The following PCDHGC5 variants were observed in gnomAD, a reference collection of about 807,000 sequenced individuals.
PCDHGC5 encodes the protein protocadherin gamma subfamily C, 5, also known as protocadherin gamma-C5.
In PCDHGC5, 25 loss-of-function variants were observed where a neutral mutation model predicts 59.0. The observed-to-expected ratio is 0.42, with a 90% CI of 0.31 to 0.59. PCDHGC5 has a LOEUF of 0.59. PCDHGC5 is among the 20% of genes least tolerant of loss of function. PCDHGC5 has a pLI of 0.13. For missense variants in PCDHGC5, 1,067 were observed against 1,206.4 expected (o/e 0.88, Z 1.71); for synonymous variants, 434 against 505.5 (o/e 0.86, Z 1.90).
rs1177173734 is a variant in PCDHGC5, at chr5:141,491,741, G to T, written c.2460+41G>T. 1.3e-6 allele frequency: 2 copies of T among 1,595,762 alleles called. No individual in the cohort carries two copies. On this transcript the variant is annotated intron_variant, in intron 1 of 3. Transcript: ENST00000252087. This position sits in a 1 kb window ranked among gnomAD's most constrained non-coding sequence, Gnocchi z 6.9. ...CCGCCCCGGGCGACCCCTGGGGGCG[G>T]CACTGGAGAAGCCGCCCGTCCTCAT... is the stretch of plus-strand genomic sequence containing the variant.
chr5:141,496,077 C>G (rs1269618753), intron 2 of PCDHGC5, among the ~76,000 whole-genome samples: 1 of 152,042 alleles, frequency 6.6e-6, no homozygotes, highest in African/African-American at 2.4e-5. Flanking sequence ...CACACACAAC[C>G]CCCCACCCAC....
intron 1 of PCDHGC5, among the ~76,000 whole-genome samples, chr5:141,492,781 T>A (rs945023154): frequency 6.6e-6 from 1 of 152,194 alleles, no homozygotes; most frequent in African/African-American, 2.4e-5. Context: ...TGAGTGAGCC[T>A]CTATAGGACA....
intron 3 of PCDHGC5, chr5:141,506,955 C>T (rs1387377785): frequency 2.6e-5 from 4 of 152,362 alleles, no homozygotes; most frequent in South Asian, 2.1e-4. Context: ...AATGAATCCT[C>T]TCAATAGCTC....
intron 2 of PCDHGC5, among the ~76,000 whole-genome samples, chr5:141,502,828 G>T (rs928458403): frequency 6.6e-6 from 1 of 150,704 alleles, no homozygotes; most frequent in Non-Finnish European, 1.5e-5. Context: ...CCTTGGGGAA[G>T]CCTGGACTGG....
chr5:141,502,084 G>A (rs1438350526), intron 2 of PCDHGC5, among the ~76,000 whole-genome samples: 1 of 152,154 alleles, frequency 6.6e-6, no homozygotes, highest in African/African-American at 2.4e-5. Context: ...CTGGGGCTGA[G>A]AACACCTGGC....
Position 141,490,491 on chromosome 5 carries a change from A to T in PCDHGC5, c.1251A>T (p.Thr417=). 1 of 1,614,098 alleles carries T rather than the reference A, an allele frequency of 6.2e-7. No individual in the cohort carries two copies. Among genetic ancestry groups the T allele is most frequent in the Non-Finnish European group, 8.5e-7 (1 of 1,180,022 alleles). ...LTSQPLDREA[T]SHYIIELLAS... ...GCCAGCCTTTGGACCGGGAGGCCAC[A>T]TCCCACTATATCATCGAGCTGCTGG... Residue 417 remains threonine, a synonymous_variant, in exon 1 of 4, where the codon ACA becomes ACT. Coordinates refer to ENST00000252087, the MANE Select transcript of PCDHGC5 (RefSeq NM_018929.3). This position sits in a 1 kb window ranked among gnomAD's most constrained non-coding sequence, Gnocchi z 5.4.
chr5:141,505,053 T>C (rs904041070), intron 2 of PCDHGC5, among the ~76,000 whole-genome samples: 2 of 152,108 alleles, frequency 1.3e-5, no homozygotes, highest in African/African-American at 4.8e-5. Context: ...TCCCAGCTAC[T>C]TGGGAGACTG....
intron 2 of PCDHGC5, among the ~76,000 whole-genome samples, chr5:141,498,411 C>T (rs747823234): frequency 2.0e-5 from 3 of 152,158 alleles, no homozygotes; most frequent in Non-Finnish European, 4.4e-5. Context: ...TTTCTCTTTG[C>T]TGGCACTGGA....
Position 141,490,866 on chromosome 5 carries a change from C to T in PCDHGC5, c.1626C>T (p.Pro542=), listed in dbSNP as rs1408465290. The T allele has an allele frequency of 6.2e-7, 1 of 1,613,906 alleles. No homozygotes were observed. The highest frequency in any genetic ancestry group is 1.7e-5 in the Admixed American group (1 of 60,012). ...TGGGGGTTCGAGACTCCGGCTCTCC[C>T]CCATTGCATGCCAACACATCTCTGC... ...IVVGVRDSGS[P]PLHANTSLHV... The change falls in exon 1 of 4, where the codon CCC becomes CCT. Residue 542 remains proline, a synonymous_variant. Coordinates refer to ENST00000252087, the MANE Select transcript of PCDHGC5 (RefSeq NM_018929.3). The surrounding 1 kb of genome is among the most constrained non-coding windows in gnomAD (Gnocchi z 5.4).
chr5:141,509,873 G>C (rs2099878704), intron 3 of PCDHGC5, among the ~76,000 whole-genome samples: 1 of 152,196 alleles, frequency 6.6e-6, no homozygotes, highest in South Asian at 2.1e-4. Flanking sequence ...CAAGCTGCTG[G>C]TGGTGATGGT....
rs760575047 is a variant in PCDHGC5 at position 141,493,887 on chromosome 5, G to A, written c.2461-920G>A. Among the ~76,000 whole-genome samples the A allele has an allele frequency of 1.3e-5, 2 of 152,184 alleles. No individual in the cohort carries two copies. The highest frequency in any genetic ancestry group is 2.4e-5 in the African/African-American group (1 of 41,448). On this transcript the variant is annotated intron_variant, in intron 1 of 3. Coordinates refer to ENST00000252087, the MANE Select transcript of PCDHGC5 (RefSeq NM_018929.3). The surrounding 1 kb of genome is among the most constrained non-coding windows in gnomAD (Gnocchi z 4.3). Reference sequence around the variant, plus strand: ...AGAACCAGTGAGGAGGTGGCTCTAGGAGTGCTCCATGAGAGTGTGTGATGG... The same window carrying A: ...AGAACCAGTGAGGAGGTGGCTCTAGAAGTGCTCCATGAGAGTGTGTGATGG...
intron 3 of PCDHGC5, among the ~76,000 whole-genome samples, chr5:141,509,815 TCTC>T (rs1596250992): frequency 6.6e-6 from 1 of 152,226 alleles, no homozygotes; most frequent in East Asian, 1.9e-4. Flanking sequence ...GCCGAGCTCT[TCTC>T]CATCTTCTCT....
chr5:141,511,632 G>A lies in PCDHGC5; in HGVS notation c.*459G>A, dbSNP rs1388627906. The A allele has an allele frequency of 8.6e-6, 2 of 231,934 alleles. No homozygotes were observed. The highest frequency in any genetic ancestry group is 5.1e-5 in the Admixed American group (1 of 19,634). 14.4% of individuals were successfully genotyped at this position (231,934 alleles called of 1,614,324 possible). A position where few individuals can be genotyped will look rare whatever the true frequency, so the allele number is the denominator to read the frequency against. On this transcript the variant is annotated 3_prime_UTR_variant, in exon 4 of 4. Transcript: ENST00000252087. ...CCTCCTAGTTCTGAAAAGTTGGAAG[G>A]GCATCATGACCTCTTGGCCTCTCCT...
In PCDHGC5 at chr5:141,503,993, C is replaced by T. The variant is rs376134059; in HGVS notation, c.2520-1400C>T. Reference sequence around the variant, plus strand: ...GTGCCAAACCCTTCTTCTTACCTTACAGTCACTTAACTGTCTCTGCTGGTC... The same window carrying T: ...GTGCCAAACCCTTCTTCTTACCTTATAGTCACTTAACTGTCTCTGCTGGTC... On this transcript the variant is annotated intron_variant, in intron 2 of 3. Transcript: ENST00000252087. Among the ~76,000 whole-genome samples, 13 of 152,312 alleles carry T rather than the reference C, an allele frequency of 8.5e-5. 1 individual carries two copies. In the East Asian group the frequency reaches 1.7e-3, roughly 20 times the overall value.
intron 2 of PCDHGC5, among the ~76,000 whole-genome samples, chr5:141,505,092 G>A (rs965653546): frequency 5.9e-5 from 9 of 152,170 alleles, no homozygotes; most frequent in African/African-American, 2.2e-4. Flanking sequence ...AACCCAGGAG[G>A]TGGATGTTGC....
At chr5:141,504,113 C>A (rs568207803) in intron 2 of PCDHGC5, among the ~76,000 whole-genome samples, 1 of 152,220 alleles carries the variant, frequency 6.6e-6, no homozygotes, top group Non-Finnish European at 1.5e-5. Flanking sequence ...TGTGTGTGTG[C>A]CAGGGCTGTT....
chr5:141,494,306 T>G (rs1432951954), intron 1 of PCDHGC5, among the ~76,000 whole-genome samples: 1 of 152,212 alleles, frequency 6.6e-6, no homozygotes, highest in Non-Finnish European at 1.5e-5. Flanking sequence ...AATGTGTCAC[T>G]GCACAACCTG....
intron 3 of PCDHGC5, among the ~76,000 whole-genome samples, chr5:141,508,937 G>T (rs764041162): frequency 3.0e-4 from 45 of 152,040 alleles, no homozygotes; most frequent in Non-Finnish European, 6.3e-4. Flanking sequence ...AGTTAATTAG[G>T]GAAAACAGAG....
At position 141,492,010 on chromosome 5, in the gene PCDHGC5, G is replaced by A. The variant is rs2099736138; in HGVS notation, c.2460+310G>A. 2 of 617,370 alleles carry A rather than the reference G, an allele frequency of 3.2e-6. 1 individual carries two copies. Among genetic ancestry groups the A allele is most frequent in the Middle Eastern group, 8.7e-4 (2 of 2,312 alleles). The allele number at this position is 617,370 out of a possible 1,614,324, so 38.2% of individuals were successfully genotyped here. On this transcript the variant is annotated intron_variant, in intron 1 of 3. Transcript: ENST00000252087. Reference sequence around the variant, plus strand: ...GGTGAATTTCGGGCGATTTCCGCGGGTGTCGGGGGTCCCGGGAGGAGGCAG... The same window carrying A: ...GGTGAATTTCGGGCGATTTCCGCGGATGTCGGGGGTCCCGGGAGGAGGCAG...
Sources: gnomAD v4.1 joint callset for allele counts (sites outside exome capture counted in the v4.1 genomes callset) on GRCh38, gnomAD v4.1.1 for gene constraint, Gnocchi (gnomAD v3.1) non-coding constraint, MANE v1.5 for transcripts, NCBI Gene and HGNC (gene_info 2026-07-23, HGNC 2026-07-21) for gene names.